The following ENTPD1 variants were observed in gnomAD, a reference collection of about 807,000 sequenced individuals.
ENTPD1 encodes the protein ectonucleoside triphosphate diphosphohydrolase 1.
ENTPD1 carries 33 observed loss-of-function variants against 57.0 expected under a neutral mutation model. That is an observed-to-expected ratio of 0.58 (90% confidence interval 0.44 to 0.77). The LOEUF (loss-of-function observed/expected upper bound fraction) is 0.77. Among genes scored for constraint, ENTPD1 ranks in the 30% least tolerant of loss-of-function variants. ENTPD1 has a pLI of 0.00. For missense variants in ENTPD1, 501 were observed against 603.4 expected, an observed-to-expected ratio of 0.83 and a Z score of 1.78; for synonymous variants, 202 against 218.8, an observed-to-expected ratio of 0.92 and a Z score of 0.68.
intron 8 of ENTPD1, among the ~76,000 whole-genome samples, chr10:95,862,652 TTG>T: frequency 6.6e-6 from 1 of 152,326 alleles, no homozygotes; most frequent in African/African-American, 2.4e-5. Flanking sequence ...GACTCCATGG[TTG>T]TCTTCTGGCA....
chr10:95,713,314 A>C (rs1589633993), intron 1 of ENTPD1, among the ~76,000 whole-genome samples: 1 of 152,182 alleles, frequency 6.6e-6, no homozygotes, highest in East Asian at 1.9e-4. Flanking sequence ...AAAGAACTTT[A>C]ATTTTTTTTT....
At chr10:95,822,975 C>T (rs536240963) in intron 1 of ENTPD1, among the ~76,000 whole-genome samples, 121 of 152,364 alleles carry the variant, frequency 7.9e-4, no homozygotes, top group Non-Finnish European at 1.5e-3. Context: ...TCTCACTCCT[C>T]ATTCCATATC....
intron 1 of ENTPD1, among the ~76,000 whole-genome samples, chr10:95,723,202 A>G (rs1397745306): frequency 6.6e-6 from 1 of 152,080 alleles, no homozygotes; most frequent in African/African-American, 2.4e-5. Context: ...TATAGGTTTT[A>G]AATTTACCCT....
At chr10:95,787,141 A>G (rs1191246657) in intron 1 of ENTPD1, among the ~76,000 whole-genome samples, 14 of 152,342 alleles carry the variant, frequency 9.2e-5, no homozygotes, top group Non-Finnish European at 2.9e-5. Flanking sequence ...TGGTCTTTGC[A>G]TCTTCCAATA....
intron 1 of ENTPD1, among the ~76,000 whole-genome samples, chr10:95,767,314 C>CAA (rs1160221654): frequency 2.9e-5 from 2 of 68,110 alleles, no homozygotes; most frequent in African/African-American, 5.6e-5. Context: ...GACTCCATCT[C>CAA]AAAAAAAAAA....
intron 1 of ENTPD1, among the ~76,000 whole-genome samples, chr10:95,783,057 T>C (rs1456687540): frequency 6.6e-6 from 1 of 152,106 alleles, no homozygotes; most frequent in Non-Finnish European, 1.5e-5. Context: ...GTGTAGTGTA[T>C]GTATCCGTTG....
chr10:95,830,738 G>A (rs1288462586), intron 2 of ENTPD1, among the ~76,000 whole-genome samples: 15 of 152,152 alleles, frequency 9.9e-5, no homozygotes, highest in Admixed American at 9.8e-4. Context: ...AGGAGGCAGA[G>A]GTTGCAGTGA....
intron 1 of ENTPD1, among the ~76,000 whole-genome samples, chr10:95,775,143 T>C (rs11528098): frequency 0.16 from 24,154 of 152,118 alleles, 2,469 homozygotes; most frequent in African/African-American, 0.28. Context: ...GTTATTGGTG[T>C]ATAAGAATGC....
At position 95,860,589 on chromosome 10, in the gene ENTPD1, G is replaced by T; in HGVS notation, c.1188+7G>T. On this transcript the variant is annotated splice_region_variant and intron_variant, in intron 8 of 9. Transcript: ENST00000371205. ...TGCTCAGCCTTGGGAGGAGGTAAGT[G>T]ACTAGGCACAGCAGCTCTAACAGCA... 4 of 1,611,318 alleles carry T rather than the reference G, an allele frequency of 2.5e-6. No homozygotes were observed. In the South Asian group the frequency reaches 4.4e-5, roughly 18 times the overall value.
intron 1 of ENTPD1, among the ~76,000 whole-genome samples, chr10:95,802,197 C>G (rs1305266042): frequency 1.3e-5 from 2 of 152,070 alleles, no homozygotes; most frequent in East Asian, 3.9e-4. Flanking sequence ...GTGAGGGCTA[C>G]CAGGCTATAG....
chr10:95,799,748 C>T (rs1166306003), intron 1 of ENTPD1, among the ~76,000 whole-genome samples: 2 of 152,192 alleles, frequency 1.3e-5, no homozygotes, highest in Admixed American at 6.5e-5. Flanking sequence ...ATTTACACTA[C>T]CACCAATTGT....
chr10:95,876,709 A>G lies in ENTPD1; in HGVS notation c.*10326A>G, dbSNP rs2141044489. The G allele has an allele frequency of 8.7e-7, 1 of 1,144,432 alleles. No individual in the cohort carries two copies. Among genetic ancestry groups the G allele is most frequent in the South Asian group, 4.6e-5 (1 of 21,970 alleles). 70.9% of individuals were successfully genotyped at this position (1,144,432 alleles called of 1,614,324 possible). A position where few individuals can be genotyped will look rare whatever the true frequency, so the allele number is the denominator to read the frequency against. On this transcript the variant is annotated 3_prime_UTR_variant, in exon 10 of 10. Coordinates refer to ENST00000371205, the MANE Select transcript of ENTPD1 (RefSeq NM_001776.6). The stretch of plus-strand genomic sequence containing the variant: ...ATTTTAAAACTTATTGGAATATTCA[A>G]ATATTAACCAAAGTAGAAAAATATA...
chr10:95,700,795 C>CTT, the ENTPD1 span, among the ~76,000 whole-genome samples: 6 of 144,190 alleles, frequency 4.2e-5, no homozygotes, highest in Non-Finnish European at 7.6e-5. Flanking sequence ...GAAGTATATT[C>CTT]TTTTTTTTTT....
At chr10:95,753,544 T>C (rs1021499071), upstream of ENTPD1, 2 of 152,256 alleles carry the variant, frequency 1.3e-5, no homozygotes, top group African/African-American at 4.8e-5. Flanking sequence ...CTCTCCTGGT[T>C]AAACCAGAAG....
At chr10:95,760,300 G>T (rs1162394934) in intron 1 of ENTPD1, among the ~76,000 whole-genome samples, 1 of 152,188 alleles carries the variant, frequency 6.6e-6, no homozygotes, top group African/African-American at 2.4e-5. Flanking sequence ...GTAGAATCTG[G>T]TGCCCATGGC....
chr10:95,824,575 A>T (rs1025611126), intron 2 of ENTPD1, among the ~76,000 whole-genome samples: 1 of 152,242 alleles, frequency 6.6e-6, no homozygotes, highest in Non-Finnish European at 1.5e-5. Flanking sequence ...CTTCACTCAC[A>T]GTTGAAGCCT....
chr10:95,829,593 G>C (rs2098389832), intron 2 of ENTPD1, among the ~76,000 whole-genome samples: 1 of 152,202 alleles, frequency 6.6e-6, no homozygotes, highest in Non-Finnish European at 1.5e-5. Context: ...GATTTTTGTG[G>C]AGGTGAGGGT....
chr10:95,756,197 G>GA lies in ENTPD1; in HGVS notation c.-43_-42insA. The stretch of plus-strand genomic sequence containing the variant: ...GACCACAGCAAGCAGAGGCTGGGGG[G>GA]GGGAAAGACGAGGAAAGAGGAGGAA... On this transcript the variant is annotated 5_prime_UTR_variant, in exon 1 of 10. Coordinates refer to ENST00000371205, the MANE Select transcript of ENTPD1 (RefSeq NM_001776.6). The GA allele has an allele frequency of 1.3e-6, 2 of 1,581,174 alleles. No homozygotes were observed. Among genetic ancestry groups the GA allele is most frequent in the Non-Finnish European group, 1.7e-6 (2 of 1,163,004 alleles).
chr10:95,835,079 C>A (rs1217591942), intron 2 of ENTPD1, among the ~76,000 whole-genome samples: 1 of 152,096 alleles, frequency 6.6e-6, no homozygotes, highest in Non-Finnish European at 1.5e-5. Context: ...AGTTTTTCAA[C>A]CTTTGACCTC....
Sources: gnomAD v4.1 joint callset for allele counts (sites outside exome capture counted in the v4.1 genomes callset) on GRCh38, gnomAD v4.1.1 for gene constraint, MANE v1.5 for transcripts, NCBI Gene and HGNC (gene_info 2026-07-23, HGNC 2026-07-21) for gene names.